GLIS3: variants seen among roughly 807,000 people sequenced by gnomAD.
The protein encoded by GLIS3 is GLIS family zinc finger 3.
In GLIS3, 53 loss-of-function variants were observed where a neutral mutation model predicts 78.6. That is an observed-to-expected ratio of 0.67 (90% confidence interval 0.54 to 0.85). The LOEUF is 0.85. Ranked by LOEUF, GLIS3 falls within the 40% of genes least tolerant of loss-of-function variation. The pLI, the probability that GLIS3 is intolerant of heterozygous loss-of-function variation, is 0.00. For missense variants in GLIS3, 1,703 were observed against 1,231.1 expected (o/e 1.38, Z -5.74); for synonymous variants, 684 against 509.9 (o/e 1.34, Z -4.60).
In GLIS3 at chr9:4,092,717, C is replaced by A. The variant is rs550135267; in HGVS notation, c.1710+25051G>T. On this transcript the variant is annotated intron_variant, in intron 4 of 10. Coordinates refer to ENST00000381971, the MANE Select transcript of GLIS3 (RefSeq NM_001042413.2). ...TCATCTCCCATAATAACAATGCTTTCTTTTGAAATACCTCTTGACGGAGCA... is the reference window on the plus strand; with the variant it reads ...TCATCTCCCATAATAACAATGCTTTATTTTGAAATACCTCTTGACGGAGCA... Among the ~76,000 whole-genome samples the A allele has an allele frequency of 2.6e-5, 4 of 152,206 alleles. No individual in the cohort carries two copies. In the South Asian group the frequency reaches 8.3e-4, roughly 32 times the overall value.
intron 2 of GLIS3, among the ~76,000 whole-genome samples, chr9:4,196,599 A>G (rs1421978224): frequency 6.6e-6 from 1 of 151,934 alleles, no homozygotes; most frequent in African/African-American, 2.4e-5. Context: ...GAGCTGTAAC[A>G]CTCACCGCAA....
In GLIS3 at chr9:4,118,437, G is replaced by C; in HGVS notation, c.1041C>G (p.Val347=). Reference sequence around the variant, plus strand: ...CGCGCACGCCCAGGAAATGCCCGTAGACCTCCGGCTGCGGGGACAGGTTGG... The same window carrying C: ...CGCGCACGCCCAGGAAATGCCCGTACACCTCCGGCTGCGGGGACAGGTTGG... ...SPANLSPQPE[V]YGHFLGVRGS... is the part of the protein sequence containing the mutation. Residue 347 remains valine (V), a synonymous_variant, in exon 4 of 11, where the codon GTC becomes GTG. Transcript: ENST00000381971. The surrounding 1 kb of genome is among the most constrained non-coding windows in gnomAD (Gnocchi z 4.7). The C allele has an allele frequency of 6.2e-7, 1 of 1,612,228 alleles. No homozygotes were observed. The highest frequency in any genetic ancestry group is 1.1e-5 in the South Asian group (1 of 91,088).
chr9:4,451,790 T>C, the GLIS3 span, among the ~76,000 whole-genome samples: 9 of 152,048 alleles, frequency 5.9e-5, no homozygotes, highest in Admixed American at 1.3e-4. Flanking sequence ...AGATGTTCTT[T>C]GAAACCAATG....
the GLIS3 span, among the ~76,000 whole-genome samples, chr9:4,480,850 A>G: frequency 1.3e-5 from 2 of 149,922 alleles, no homozygotes; most frequent in South Asian, 2.1e-4. Flanking sequence ...AAAAAAAAAA[A>G]CCCACCTACT....
chr9:4,032,078 C>G (rs761368361), intron 4 of GLIS3, among the ~76,000 whole-genome samples: 13 of 152,116 alleles, frequency 8.5e-5, no homozygotes, highest in Non-Finnish European at 1.8e-4. Context: ...GCAGCCTGAG[C>G]AGCCCTGCAG....
intron 2 of GLIS3, among the ~76,000 whole-genome samples, chr9:4,215,903 G>A (rs1034637690): frequency 1.3e-5 from 2 of 152,118 alleles, no homozygotes; most frequent in Non-Finnish European, 2.9e-5. Flanking sequence ...AAGCAATATA[G>A]GGAAAGACAT....
At chr9:4,404,551 T>C in the GLIS3 span, among the ~76,000 whole-genome samples, 1 of 152,162 alleles carries the variant, frequency 6.6e-6, no homozygotes, top group Non-Finnish European at 1.5e-5. Flanking sequence ...AAACTTGAAA[T>C]CAGTAACAAA....
the GLIS3 span, among the ~76,000 whole-genome samples, chr9:4,361,228 A>G: frequency 6.6e-6 from 1 of 152,200 alleles, no homozygotes; most frequent in Non-Finnish European, 1.5e-5. Context: ...GGCAGTCTTA[A>G]TGTAATGACT....
chr9:4,352,472 T>C (rs1186191638), upstream of GLIS3, among the ~76,000 whole-genome samples: 5 of 152,272 alleles, frequency 3.3e-5, no homozygotes, highest in Non-Finnish European at 7.3e-5. Context: ...TGGGGCATCT[T>C]TTGGGTAAAC....
intron 4 of GLIS3, among the ~76,000 whole-genome samples, chr9:4,065,954 G>C (rs1168551217): frequency 1.3e-5 from 2 of 150,690 alleles, no homozygotes; most frequent in African/African-American, 2.4e-5. Flanking sequence ...TAAAAAATAT[G>C]AGACTTCCTG....
chr9:4,477,799 A>G, the GLIS3 span, among the ~76,000 whole-genome samples: 18 of 152,326 alleles, frequency 1.2e-4, no homozygotes, highest in South Asian at 3.7e-3. Flanking sequence ...GCTGCAGAGT[A>G]ATATGAATGT....
At chr9:4,432,976 A>T in the GLIS3 span, among the ~76,000 whole-genome samples, 1 of 152,236 alleles carries the variant, frequency 6.6e-6, no homozygotes, top group East Asian at 1.9e-4. Flanking sequence ...AACACAGGGT[A>T]AGCAATGGGA....
At chr9:4,364,346 C>CA in the GLIS3 span, among the ~76,000 whole-genome samples, 1 of 152,178 alleles carries the variant, frequency 6.6e-6, no homozygotes, top group Non-Finnish European at 1.5e-5. Flanking sequence ...CAGTGTATAG[C>CA]ATACCTTGGG....
intron 4 of GLIS3, among the ~76,000 whole-genome samples, chr9:4,032,909 G>A (rs143012187): frequency 0.11 from 16,492 of 151,606 alleles, 984 homozygotes; most frequent in African/African-American, 0.13. Flanking sequence ...GCTGGAGTGC[G>A]GTGGCGCAAT....
At chr9:3,842,858 T>A (rs1818806330) in intron 9 of GLIS3, among the ~76,000 whole-genome samples, 1 of 152,266 alleles carries the variant, frequency 6.6e-6, no homozygotes, top group South Asian at 2.1e-4. Flanking sequence ...TAATTTCATT[T>A]GAAATGGAGA....
chr9:4,142,261 G>A (rs1310395117), intron 2 of GLIS3, among the ~76,000 whole-genome samples: 4 of 152,120 alleles, frequency 2.6e-5, no homozygotes, highest in East Asian at 3.8e-4. Context: ...CTAAAGCTGA[G>A]AATAAACATG....
chr9:3,948,354 C>T (rs1188065777), intron 4 of GLIS3, among the ~76,000 whole-genome samples: 5 of 152,204 alleles, frequency 3.3e-5, no homozygotes, highest in East Asian at 3.8e-4. Flanking sequence ...TTTACCCCTT[C>T]TTCCTATATG....
intron 2 of GLIS3, among the ~76,000 whole-genome samples, chr9:4,248,082 A>G (rs1823973167): frequency 6.6e-6 from 1 of 152,010 alleles, no homozygotes; most frequent in South Asian, 2.1e-4. Context: ...TTATTCTTCT[A>G]TGAATTCAAC....
intron 2 of GLIS3, among the ~76,000 whole-genome samples, chr9:4,326,852 A>G (rs1002180696): frequency 2.0e-5 from 3 of 152,220 alleles, no homozygotes; most frequent in African/African-American, 7.2e-5. Context: ...AAGGACTGGC[A>G]TAAGCGTGGA....
Sources: allele counts gnomAD v4.1 joint callset (sites outside exome capture counted in the v4.1 genomes callset), GRCh38; gene constraint gnomAD v4.1.1; non-coding constraint Gnocchi (gnomAD v3.1); transcripts MANE v1.5; gene names NCBI Gene and HGNC (gene_info 2026-07-23, HGNC 2026-07-21).